The following B3GALT1 variants were observed in gnomAD, a reference collection of about 807,000 sequenced individuals.
B3GALT1 encodes the protein UDP-Gal:betaGlcNAc beta 1,3-galactosyltransferase, polypeptide 1.
In B3GALT1, 10 loss-of-function variants were observed where a neutral mutation model predicts 23.2. The observed-to-expected ratio is 0.43, with a 90% confidence interval of 0.27 to 0.73. The LOEUF (loss-of-function observed/expected upper bound fraction) is 0.73, where lower values mean the gene tolerates loss of function less well. Ranked by LOEUF, B3GALT1 falls within the 30% of genes least tolerant of loss-of-function variation. The pLI, the probability that B3GALT1 is intolerant of heterozygous loss-of-function variation, is 0.21. For synonymous variants in B3GALT1, 156 were observed against 141.5 expected, an observed-to-expected ratio of 1.10 and a Z score of -0.73; for missense variants, 299 against 405.4, an observed-to-expected ratio of 0.74 and a Z score of 2.25.
intron 1 of B3GALT1, among the ~76,000 whole-genome samples, chr2:167,347,508 G>C (rs1430548979): frequency 6.6e-6 from 1 of 152,152 alleles, no homozygotes; most frequent in Non-Finnish European, 1.5e-5. Context: ...TCTAGAAATT[G>C]TGTGAGGTTC....
chr2:167,814,484 G>A (rs757714662), intron 3 of B3GALT1, among the ~76,000 whole-genome samples: 7 of 152,112 alleles, frequency 4.6e-5, no homozygotes, highest in East Asian at 1.9e-4. Flanking sequence ...TACTGGGGCC[G>A]GGAGCGGTGG....
rs1558992415 is a variant in B3GALT1, at chr2:167,825,455, TGC to T, written c.-230+6664_-230+6665del. Among the ~76,000 whole-genome samples the T allele has an allele frequency of 6.1e-3, 892 of 146,704 alleles. 14 individuals carry two copies. The highest frequency in any genetic ancestry group is 0.022 in the African/African-American group (860 of 39,698). On this transcript the variant is annotated intron_variant, in intron 4 of 4. Coordinates refer to ENST00000392690, the MANE Select transcript of B3GALT1 (RefSeq NM_020981.4). ...ATGCAGGGGTGTGTGTGTGTGTGTGTGCGTGCACGTGTGTGTGTGTGTTATAT... is the reference window on the plus strand; with the variant it reads ...ATGCAGGGGTGTGTGTGTGTGTGTGTGTGCACGTGTGTGTGTGTGTTATAT...
intron 2 of B3GALT1, among the ~76,000 whole-genome samples, chr2:167,560,676 C>T (rs1683962480): frequency 6.6e-6 from 1 of 151,618 alleles, no homozygotes; most frequent in South Asian, 2.1e-4. Flanking sequence ...ATAAAACAGA[C>T]TTTAAACCAA....
chr2:167,646,708 G>T (rs1056078178), intron 2 of B3GALT1, among the ~76,000 whole-genome samples: 1 of 152,092 alleles, frequency 6.6e-6, no homozygotes, highest in Non-Finnish European at 1.5e-5. Flanking sequence ...AGAAGAAAAA[G>T]AAATAAAAAC....
intron 3 of B3GALT1, among the ~76,000 whole-genome samples, chr2:167,794,017 A>G (rs34230025): frequency 0.098 from 14,894 of 152,234 alleles, 1,055 homozygotes; most frequent in African/African-American, 0.19. Flanking sequence ...GGGGAAATTT[A>G]GGATTCTCCA....
At chr2:167,353,442 T>TC (rs1389423272) in intron 1 of B3GALT1, among the ~76,000 whole-genome samples, 1 of 152,120 alleles carries the variant, frequency 6.6e-6, no homozygotes, top group Admixed American at 6.5e-5. Flanking sequence ...ATTTTTTTTT[T>TC]CAGTAATCAC....
chr2:167,425,280 T>TTGAAGTATA (rs1172164452), intron 1 of B3GALT1, among the ~76,000 whole-genome samples: 1 of 152,248 alleles, frequency 6.6e-6, no homozygotes, highest in Admixed American at 6.5e-5. Flanking sequence ...CGCTTTAATG[T>TTGAAGTATA]TGAAGTATAA....
At chr2:167,426,914 C>T (rs201847303) in intron 1 of B3GALT1, among the ~76,000 whole-genome samples, 1 of 152,172 alleles carries the variant, frequency 6.6e-6, no homozygotes, top group Non-Finnish European at 1.5e-5. Flanking sequence ...AGAATATATA[C>T]GTTCATTGCA....
chr2:167,300,884 C>A (rs936021592), intron 1 of B3GALT1, among the ~76,000 whole-genome samples: 10 of 152,048 alleles, frequency 6.6e-5, no homozygotes, highest in African/African-American at 1.7e-4. Flanking sequence ...GTTAAAAATA[C>A]CACAATTACA....
At chr2:167,508,082 T>C (rs1699947859) in intron 2 of B3GALT1, among the ~76,000 whole-genome samples, 1 of 152,068 alleles carries the variant, frequency 6.6e-6, no homozygotes, top group South Asian at 2.1e-4. Context: ...GTCCCATTTA[T>C]GAAGACTCCA....
In B3GALT1 at chr2:167,866,001, T is replaced by G. The variant is rs1008803190; in HGVS notation, c.-229-2810T>G. Among the ~76,000 whole-genome samples the G allele has an allele frequency of 5.1e-4, 78 of 151,612 alleles. 1 individual carries two copies. Among genetic ancestry groups the G allele is most frequent in the Non-Finnish European group, 1.9e-4 (13 of 67,952 alleles). ...CATCCTCCTCCCCATCATCCTATCC[T>G]CTTCTTTTACTCAACTAGTCCTGGT... On this transcript the variant is annotated intron_variant, in intron 4 of 4. Coordinates refer to ENST00000392690, the MANE Select transcript of B3GALT1 (RefSeq NM_020981.4).
chr2:167,615,611 G>A (rs964838949), intron 2 of B3GALT1, among the ~76,000 whole-genome samples: 5 of 151,884 alleles, frequency 3.3e-5, no homozygotes, highest in East Asian at 3.9e-4. Context: ...GTATCGAAAC[G>A]TGTTGCATAC....
intron 3 of B3GALT1, among the ~76,000 whole-genome samples, chr2:167,734,005 C>A (rs1040051626): frequency 1.3e-5 from 2 of 152,004 alleles, no homozygotes; most frequent in Non-Finnish European, 2.9e-5. Context: ...AAGAAGCAGA[C>A]AGTTTAAGTT....
intron 2 of B3GALT1, among the ~76,000 whole-genome samples, chr2:167,610,375 C>A (rs767629228): frequency 6.6e-6 from 1 of 151,990 alleles, no homozygotes; most frequent in Admixed American, 6.6e-5. Flanking sequence ...AAAACATGTT[C>A]CTTGTAGAAA....
intron 2 of B3GALT1, among the ~76,000 whole-genome samples, chr2:167,578,667 G>A (rs1250063775): frequency 6.6e-6 from 1 of 151,774 alleles, no homozygotes; most frequent in East Asian, 1.9e-4. Context: ...TCTAATAAGG[G>A]TTGTCTTAAA....
intron 1 of B3GALT1, among the ~76,000 whole-genome samples, chr2:167,423,572 C>T (rs899714845): frequency 2.6e-5 from 4 of 152,130 alleles, no homozygotes; most frequent in Non-Finnish European, 4.4e-5. Flanking sequence ...CAGGGACGAG[C>T]AGATGATTTC....
chr2:167,590,743 T>G (rs1384061035), intron 2 of B3GALT1, among the ~76,000 whole-genome samples: 5 of 152,160 alleles, frequency 3.3e-5, no homozygotes, highest in African/African-American at 1.2e-4. Flanking sequence ...GATATTTTTT[T>G]GAAGAAATAT....
At chr2:167,333,080 G>A (rs1277222256) in intron 1 of B3GALT1, among the ~76,000 whole-genome samples, 1 of 152,176 alleles carries the variant, frequency 6.6e-6, no homozygotes, top group Admixed American at 6.5e-5. Context: ...TGAACCATGT[G>A]CATTTACTTT....
intron 1 of B3GALT1, among the ~76,000 whole-genome samples, chr2:167,472,181 T>C (rs1699426552): frequency 6.6e-6 from 1 of 152,222 alleles, no homozygotes; most frequent in Non-Finnish European, 1.5e-5. Context: ...ATATACAAAT[T>C]AGACAATCGT....
Sources: gnomAD v4.1 joint callset for allele counts (sites outside exome capture counted in the v4.1 genomes callset) on GRCh38, gnomAD v4.1.1 for gene constraint, MANE v1.5 for transcripts, NCBI Gene and HGNC (gene_info 2026-07-23, HGNC 2026-07-21) for gene names.